Variants in ABCC2 observed in about 807,000 individuals in gnomAD.
ABCC2 encodes ATP-binding cassette sub-family C member 2.
Under a neutral mutation model 173.4 loss-of-function variants are expected in ABCC2, and 157 were observed. That is an observed-to-expected ratio of 0.91 (90% CI 0.80 to 1.03). The LOEUF is 1.03. Ranked by LOEUF, ABCC2 falls within the 50% of genes least tolerant of loss-of-function variation. The pLI, the probability that ABCC2 is intolerant of heterozygous loss-of-function variation, is 0.00. For synonymous variants in ABCC2, 657 were observed against 693.5 expected (o/e 0.95, Z 0.83); for missense variants, 1,822 against 1,852.3 (o/e 0.98, Z 0.30).
intron 24 of ABCC2, 98 bp downstream of exon 24, chr10:99,834,633 C>G (rs980364881): frequency 7.1e-7 from 1 of 1,399,134 alleles, no homozygotes; most frequent in African/African-American, 1.4e-5. Context: ...TTGCTAGTCA[C>G]TCACTCCTCC....
chr10:99,823,851 A>G (rs1279946849), intron 19 of ABCC2, among the ~76,000 whole-genome samples: 43 of 113,524 alleles, frequency 3.8e-4, no homozygotes, highest in East Asian at 5.1e-4. Context: ...AGGGACAACT[A>G]TTTTGTCTGG....
At chr10:99,787,255 C>T (rs1234500066) in intron 2 of ABCC2, among the ~76,000 whole-genome samples, 8 of 152,096 alleles carry the variant, frequency 5.3e-5, no homozygotes, top group South Asian at 2.1e-4. Context: ...TCTTTAACCC[C>T]GTCTCCTCCT....
chr10:99,830,306 G>C lies in ABCC2; in HGVS notation c.2621-1G>C. 1 of 1,614,132 alleles carries C rather than the reference G, an allele frequency of 6.2e-7. No homozygotes were observed. Among genetic ancestry groups the C allele is most frequent in the Non-Finnish European group, 8.5e-7 (1 of 1,179,998 alleles). On this transcript the variant is annotated splice_acceptor_variant, in intron 19 of 31. Transcript: ENST00000647814. LOFTEE classifies it high-confidence loss of function. ...CCCTAACCTCTACTGTGTCTCCCTA[G>C]TCCATGATGGCAGTGAAGAAGAAGA...
chr10:99,804,290 C>T lies in ABCC2; in HGVS notation c.1464+17C>T, dbSNP rs745369211. On this transcript the variant is annotated intron_variant, in intron 10 of 31. Coordinates refer to ENST00000647814, the MANE Select transcript of ABCC2 (RefSeq NM_000392.5). ...ACCATTCAGGTAAAGAAAAAGTCAC[C>T]CAGAAGAATATAAGCTTTCTTTAAA... is the stretch of plus-strand genomic sequence containing the variant. 2.5e-6 allele frequency: 4 copies of T among 1,613,766 alleles called. No individual in the cohort carries two copies. In the South Asian group the frequency reaches 3.3e-5, roughly 13 times the overall value.
Position 99,830,704 on chromosome 10 carries a change from TC to T in ABCC2, c.2748-9del, listed in dbSNP as rs1564694922. ...AATTGCCTGCATGCTCAGGGAAGCT[TC>T]CCTCTCTCAGTTCTAGGTCCAATGG... On this transcript the variant is annotated splice_polypyrimidine_tract_variant and intron_variant, in intron 20 of 31. Transcript: ENST00000647814. 3 of 1,614,072 alleles carry T rather than the reference TC, an allele frequency of 1.9e-6. No individual in the cohort carries two copies. Among genetic ancestry groups the T allele is most frequent in the Non-Finnish European group, 2.5e-6 (3 of 1,180,002 alleles).
At chr10:99,794,353 G>C (rs371262845) in intron 5 of ABCC2, 60 bp from the exon 6 acceptor site, 15 of 1,423,702 alleles carry the variant, frequency 1.1e-5, no homozygotes, top group African/African-American at 4.2e-5. Flanking sequence ...TCTGATTTTA[G>C]AGTCCCATGA....
At position 99,814,290 on chromosome 10, in the gene ABCC2, CACGT is replaced by C. The variant is rs1424169413; in HGVS notation, c.2094+1148_2094+1151del. On this transcript the variant is annotated intron_variant, in intron 16 of 31. Transcript: ENST00000647814. Reference sequence around the variant, plus strand: ...ATGTATACACACGTATGTATACACACACGTATGTATACACACATGTATATACACA... The same window carrying C: ...ATGTATACACACGTATGTATACACACATGTATACACACATGTATATACACA... Among the ~76,000 whole-genome samples the C allele has an allele frequency of 7.4e-3, 577 of 78,136 alleles. 95 individuals carry two copies. Among genetic ancestry groups the C allele is most frequent in the African/African-American group, 0.029 (529 of 18,446 alleles). 51.3% of individuals were successfully genotyped at this position (78,136 alleles called of 152,430 possible).
At chr10:99,834,301 T>A in intron 23 of ABCC2, 79 bp from the exon 24 acceptor site, 1 of 1,438,356 alleles carries the variant, frequency 7.0e-7, no homozygotes, top group Non-Finnish European at 9.7e-7. Flanking sequence ...TCCAACAGAT[T>A]CCTTGCTAGA....
intron 6 of ABCC2, among the ~76,000 whole-genome samples, chr10:99,795,817 A>T (rs546754482): frequency 6.8e-6 from 1 of 147,092 alleles, no homozygotes; most frequent in Non-Finnish European, 1.5e-5. Context: ...TCTAAATGCT[A>T]GATTTCAGTT....
At chr10:99,813,235 A>C (rs2038248044) in intron 16 of ABCC2, 91 bp downstream of exon 16, 8 of 1,497,050 alleles carry the variant, frequency 5.3e-6, no homozygotes, top group Non-Finnish European at 6.4e-6. Context: ...ACTGAGGGCT[A>C]GTAGGTGAGG....
chr10:99,790,989 T>C (rs1193482143), intron 2 of ABCC2, among the ~76,000 whole-genome samples: 1 of 152,104 alleles, frequency 6.6e-6, no homozygotes, highest in Admixed American at 6.6e-5. Flanking sequence ...ATGGCTAAGA[T>C]GATGGTATAC....
intron 19 of ABCC2, among the ~76,000 whole-genome samples, chr10:99,828,210 G>A (rs2038679164): frequency 6.6e-6 from 1 of 151,694 alleles, no homozygotes; most frequent in African/African-American, 2.4e-5. Context: ...AATGTACAAA[G>A]AACAGTTTGC....
chr10:99,794,925 A>G (rs1235961147), intron 6 of ABCC2, among the ~76,000 whole-genome samples: 2 of 152,178 alleles, frequency 1.3e-5, no homozygotes, highest in African/African-American at 4.8e-5. Context: ...TTACAGACCA[A>G]CTTAATCCAA....
intron 30 of ABCC2, among the ~76,000 whole-genome samples, chr10:99,849,646 C>T (rs117140964): frequency 0.022 from 3,359 of 152,270 alleles, 49 homozygotes; most frequent in South Asian, 0.044. Context: ...CCAAAGTCTA[C>T]GTTACACTTT....
At chr10:99,829,093 G>T (rs1434527669) in intron 19 of ABCC2, among the ~76,000 whole-genome samples, 2 of 152,082 alleles carry the variant, frequency 1.3e-5, no homozygotes. Flanking sequence ...ATTGCTGCTG[G>T]TTTTTTGAGC....
intron 6 of ABCC2, among the ~76,000 whole-genome samples, chr10:99,796,324 G>A (rs1398978437): frequency 6.6e-6 from 1 of 152,144 alleles, no homozygotes; most frequent in Non-Finnish European, 1.5e-5. Flanking sequence ...GGCCAACATG[G>A]TGAAACCCTG....
Position 99,850,724 on chromosome 10 carries a change from T to C in ABCC2, c.4436T>C (p.Ile1479Thr). 1 of 1,614,104 alleles carries C rather than the reference T, an allele frequency of 6.2e-7. No individual in the cohort carries two copies. The highest frequency in any genetic ancestry group is 8.5e-7 in the Non-Finnish European group (1 of 1,180,026). Residue 1479 changes from isoleucine (I) to threonine (T), a missense_variant, in exon 31 of 32, where the codon ATC (isoleucine) becomes ACC (threonine). Coordinates refer to ENST00000647814, the MANE Select transcript of ABCC2 (RefSeq NM_000392.5). ...ACAGACAACCTCATTCAGACGACCA[T>C]CCAAAACGAGTTCGCCCACTGCACA... is the stretch of plus-strand genomic sequence containing the variant. ...LETDNLIQTTIQNEFAHCTVI... is the reference protein window; with the variant it reads ...LETDNLIQTTTQNEFAHCTVI...
At chr10:99,795,797 A>AGAT (rs1564672506) in intron 6 of ABCC2, among the ~76,000 whole-genome samples, 15 of 45,626 alleles carry the variant, frequency 3.3e-4, no homozygotes, top group African/African-American at 1.0e-3. Flanking sequence ...GAAAGAAAGA[A>AGAT]AGAAAGATTT....
At chr10:99,810,746 CG>C (rs779260636) in intron 14 of ABCC2, among the ~76,000 whole-genome samples, 6 of 152,142 alleles carry the variant, frequency 3.9e-5, no homozygotes. Flanking sequence ...GGACTTTAGC[CG>C]GGTGCGGTGG....
Sources: gnomAD v4.1 joint callset for allele counts (sites outside exome capture counted in the v4.1 genomes callset) on GRCh38, gnomAD v4.1.1 for gene constraint, MANE v1.5 for transcripts, NCBI Gene and HGNC (gene_info 2026-07-23, HGNC 2026-07-21) for gene names.